The following AFG2A variants were observed in gnomAD, a reference collection of about 807,000 sequenced individuals.
The protein encoded by AFG2A is ATPase family gene 2 protein homolog A.
the AFG2A span, among the ~76,000 whole-genome samples, chr4:123,121,025 G>A: frequency 6.6e-6 from 1 of 152,138 alleles, no homozygotes; most frequent in Non-Finnish European, 1.5e-5. Flanking sequence ...GAAATAAGAT[G>A]TAGAGGTGGA....
the AFG2A span, chr4:122,928,892 C>G: frequency 2.5e-4 from 232 of 922,402 alleles, no homozygotes; most frequent in African/African-American, 3.4e-3. Context: ...TATCTTATTG[C>G]AATTGGTATC....
chr4:123,010,630 C>T, the AFG2A span, among the ~76,000 whole-genome samples: 1 of 152,234 alleles, frequency 6.6e-6, no homozygotes, highest in Non-Finnish European at 1.5e-5. Context: ...CATAAATACA[C>T]ACTTGTAACG....
the AFG2A span, among the ~76,000 whole-genome samples, chr4:122,946,491 A>G: frequency 6.6e-6 from 1 of 152,314 alleles, no homozygotes; most frequent in Non-Finnish European, 1.5e-5. Context: ...CACATTCAGT[A>G]TAATTGATTA....
the AFG2A span, among the ~76,000 whole-genome samples, chr4:123,275,662 A>T: frequency 6.6e-6 from 1 of 151,908 alleles, no homozygotes; most frequent in South Asian, 2.1e-4. Context: ...CCCTAGCCTC[A>T]AGTAGGCCCC....
At chr4:123,272,566 G>GA in the AFG2A span, among the ~76,000 whole-genome samples, 2 of 151,834 alleles carry the variant, frequency 1.3e-5, no homozygotes, top group Non-Finnish European at 2.9e-5. Flanking sequence ...TTAGGAATTA[G>GA]AGACAAGTTA....
the AFG2A span, among the ~76,000 whole-genome samples, chr4:122,982,729 A>ATTTC: frequency 4.7e-5 from 7 of 150,262 alleles, no homozygotes; most frequent in Non-Finnish European, 1.0e-4. Flanking sequence ...GTTTCTGGGA[A>ATTTC]TTTCTTTCTT....
chr4:123,046,089 T>C, the AFG2A span, among the ~76,000 whole-genome samples: 1 of 150,090 alleles, frequency 6.7e-6, no homozygotes, highest in African/African-American at 2.5e-5. Flanking sequence ...AGAGTGAGAC[T>C]CCATCTCAAA....
chr4:122,938,150 T>C, the AFG2A span: 1 of 1,606,746 alleles, frequency 6.2e-7, no homozygotes, highest in East Asian at 2.2e-5. Context: ...TTTTTATTGA[T>C]GAGCTGGATG....
the AFG2A span, among the ~76,000 whole-genome samples, chr4:123,110,907 A>AT: frequency 6.6e-6 from 1 of 152,036 alleles, no homozygotes; most frequent in South Asian, 2.1e-4. Flanking sequence ...GTAGCATGTC[A>AT]TTTTTCTCCA....
At chr4:122,943,748 T>G in the AFG2A span, among the ~76,000 whole-genome samples, 1 of 152,264 alleles carries the variant, frequency 6.6e-6, no homozygotes, top group Non-Finnish European at 1.5e-5. Flanking sequence ...CTTTACATTT[T>G]GGCATGATTT....
At chr4:123,274,282 C>T in the AFG2A span, among the ~76,000 whole-genome samples, 1 of 151,938 alleles carries the variant, frequency 6.6e-6, no homozygotes, top group Non-Finnish European at 1.5e-5. Flanking sequence ...GTGCCTGGCC[C>T]CCAGTTTGCA....
At chr4:122,942,093 T>G in the AFG2A span, among the ~76,000 whole-genome samples, 2 of 151,864 alleles carry the variant, frequency 1.3e-5, no homozygotes, top group African/African-American at 4.8e-5. Context: ...TCTAAAATTC[T>G]CTTTTTTGGT....
chr4:122,930,269 A>G, the AFG2A span, among the ~76,000 whole-genome samples: 3 of 152,204 alleles, frequency 2.0e-5, no homozygotes, highest in Admixed American at 2.0e-4. Context: ...CTATTATCTA[A>G]TAGGATATCG....
the AFG2A span, among the ~76,000 whole-genome samples, chr4:123,243,712 G>A: frequency 1.3e-5 from 2 of 152,036 alleles, no homozygotes; most frequent in Admixed American, 6.5e-5. Flanking sequence ...AAACCTGCAC[G>A]TTGTGCACAT....
chr4:122,943,080 G>A, the AFG2A span, among the ~76,000 whole-genome samples: 1,288 of 152,304 alleles, frequency 8.5e-3, 4 homozygotes, highest in Middle Eastern at 0.014. Context: ...TGGAATAGGT[G>A]TGGTGTGGTG....
chr4:123,062,202 C>T, the AFG2A span, among the ~76,000 whole-genome samples: 2 of 152,218 alleles, frequency 1.3e-5, no homozygotes, highest in South Asian at 2.1e-4. Flanking sequence ...CTCAATGGCT[C>T]GTCATGTGTT....
chr4:122,965,930 A>T, the AFG2A span, among the ~76,000 whole-genome samples: 1 of 152,224 alleles, frequency 6.6e-6, no homozygotes, highest in African/African-American at 2.4e-5. Context: ...GACAAAATAC[A>T]TTTTAATCTT....
At chr4:123,031,707 C>A in the AFG2A span, among the ~76,000 whole-genome samples, 1 of 152,228 alleles carries the variant, frequency 6.6e-6, no homozygotes, top group Admixed American at 6.5e-5. Flanking sequence ...TCACTTTTCA[C>A]AATGGTAGTT....
At chr4:123,299,594 C>T in the AFG2A span, among the ~76,000 whole-genome samples, 5 of 152,278 alleles carry the variant, frequency 3.3e-5, no homozygotes, top group Non-Finnish European at 7.4e-5. Flanking sequence ...AGTTGACTCA[C>T]ATCTCTGAAA....
Sources: gnomAD v4.1 joint callset for allele counts (sites outside exome capture counted in the v4.1 genomes callset) on GRCh38, gnomAD v4.1.1 for gene constraint, MANE v1.5 for transcripts, NCBI Gene and HGNC (gene_info 2026-07-23, HGNC 2026-07-21) for gene names.